Variants in CCDC171 observed in about 807,000 individuals in gnomAD.
The protein encoded by CCDC171 is coiled-coil domain containing 171, also known as coiled-coil domain-containing protein 171.
A neutral mutation model predicts 168.2 loss-of-function variants in CCDC171; 177 were observed. The ratio of observed to expected loss-of-function variants is 1.05; its 90% confidence interval spans 0.93 to 1.19. CCDC171 has a LOEUF of 1.19. CCDC171 is among the 50% of genes most tolerant of loss of function. The pLI is 0.00. For missense variants in CCDC171, 1,991 were observed against 1,539.0 expected (o/e 1.29, Z -4.91); for synonymous variants, 687 against 540.8 (o/e 1.27, Z -3.75).
chr9:16,100,721 G>C, the CCDC171 span, among the ~76,000 whole-genome samples: 243 of 152,310 alleles, frequency 1.6e-3, 2 homozygotes, highest in African/African-American at 5.5e-3. Context: ...GCTGCGAGGA[G>C]AGCCAAGCCT....
intron 21 of CCDC171, among the ~76,000 whole-genome samples, chr9:15,821,779 A>G (rs138595405): frequency 0.027 from 3,103 of 116,214 alleles, 874 homozygotes; most frequent in African/African-American, 0.096. Context: ...TATACATTCA[A>G]TGCCATCCCC....
In CCDC171 at chr9:15,859,594, C is replaced by T. The variant is rs569789078; in HGVS notation, c.3468+10647C>T. 4.7e-5 allele frequency among the ~76,000 whole-genome samples: 7 copies of T among 150,314 alleles called. No homozygotes were observed. The South Asian group carries it at 1.1e-3, about 23-fold the overall frequency. ...GTTCAAGATTTTCCCTCCCTCCCTTCCTCTCTTTCTGCCTTTCCCCCTCTG... is the reference window on the plus strand; with the variant it reads ...GTTCAAGATTTTCCCTCCCTCCCTTTCTCTCTTTCTGCCTTTCCCCCTCTG... On this transcript the variant is annotated intron_variant, in intron 23 of 25. Transcript: ENST00000380701.
chr9:16,046,097 C>T (rs983489148), intron 1 of CCDC171, among the ~76,000 whole-genome samples: 1 of 152,122 alleles, frequency 6.6e-6, no homozygotes, highest in African/African-American at 2.4e-5. Flanking sequence ...AGGGCAAAGT[C>T]CAGATTTGAA....
At chr9:15,625,325 A>C (rs908612892) in intron 7 of CCDC171, among the ~76,000 whole-genome samples, 3 of 152,032 alleles carry the variant, frequency 2.0e-5, no homozygotes, top group Non-Finnish European at 2.9e-5. Context: ...ATTTAATTAG[A>C]TCTCATTTGT....
intron 24 of CCDC171, among the ~76,000 whole-genome samples, chr9:15,896,741 C>T (rs1206967704): frequency 6.6e-6 from 1 of 152,040 alleles, no homozygotes; most frequent in South Asian, 2.1e-4. Flanking sequence ...TCTAGTTACA[C>T]ATTGTTTTTA....
At chr9:15,563,117 A>G (rs370871082) in intron 1 of CCDC171, among the ~76,000 whole-genome samples, 2 of 150,188 alleles carry the variant, frequency 1.3e-5, no homozygotes, top group Admixed American at 6.6e-5. Context: ...TTCTGTAACT[A>G]TGTGACTTTT....
chr9:15,991,401 A>G lies in CCDC171; in HGVS notation n.369-29188A>G, dbSNP rs190736208. On this transcript the variant is annotated intron_variant and non_coding_transcript_variant, in intron 3 of 9. Coordinates refer to the CCDC171 transcript ENST00000486641. Reference sequence around the variant, plus strand: ...ACCGATGAGAACAAAGACACAACGTACCAGAATCTCTGGGACACATTCAAA... The same window carrying G: ...ACCGATGAGAACAAAGACACAACGTGCCAGAATCTCTGGGACACATTCAAA... Among the ~76,000 whole-genome samples the G allele has an allele frequency of 4.9e-4, 73 of 148,940 alleles. 4 individuals are homozygous for G. Among genetic ancestry groups the G allele is most frequent in the African/African-American group, 1.8e-3 (70 of 38,240 alleles).
At chr9:16,003,488 G>T (rs562904047) in intron 3 of CCDC171, among the ~76,000 whole-genome samples, 1 of 152,202 alleles carries the variant, frequency 6.6e-6, no homozygotes, top group Non-Finnish European at 1.5e-5. Context: ...AGCCCACTGG[G>T]AGGACAACTT....
At chr9:15,557,012 G>C (rs980396060) in intron 1 of CCDC171, among the ~76,000 whole-genome samples, 1 of 152,234 alleles carries the variant, frequency 6.6e-6, no homozygotes, top group East Asian at 1.9e-4. Flanking sequence ...TTTCCCCATT[G>C]CTTGTTTTTG....
chr9:15,989,876 G>GA (rs1832128717), intron 3 of CCDC171, among the ~76,000 whole-genome samples: 1 of 152,154 alleles, frequency 6.6e-6, no homozygotes, highest in South Asian at 2.1e-4. Flanking sequence ...GAAGTTTAGA[G>GA]AAAAAAGAGT....
chr9:16,073,454 CTT>C, the CCDC171 span, among the ~76,000 whole-genome samples: 1 of 152,200 alleles, frequency 6.6e-6, no homozygotes, highest in African/African-American at 2.4e-5. Context: ...AAAATCTTCT[CTT>C]ATCTCTCTTA....
chr9:15,581,973 C>G (rs1363185968), intron 4 of CCDC171, among the ~76,000 whole-genome samples: 2 of 152,152 alleles, frequency 1.3e-5, no homozygotes, highest in African/African-American at 4.8e-5. Flanking sequence ...GCAAAAGAAA[C>G]TATCATCAGA....
At chr9:15,645,649 G>A (rs183385360) in intron 7 of CCDC171, among the ~76,000 whole-genome samples, 48 of 152,296 alleles carry the variant, frequency 3.2e-4, no homozygotes, top group Middle Eastern at 6.8e-3. Flanking sequence ...GGGTATCAGT[G>A]ATTGAAGATC....
At chr9:15,993,091 C>G (rs570387175) in intron 3 of CCDC171, among the ~76,000 whole-genome samples, 82 of 152,242 alleles carry the variant, frequency 5.4e-4, no homozygotes, top group African/African-American at 1.9e-3. Context: ...TTGGAAAAAA[C>G]TACTTTAAAG....
chr9:15,568,297 G>T (rs1489393497), intron 2 of CCDC171, among the ~76,000 whole-genome samples: 1 of 140,710 alleles, frequency 7.1e-6, no homozygotes, highest in African/African-American at 2.7e-5. Flanking sequence ...TTGAGGCGGA[G>T]TCTTGCTCTG....
At chr9:15,878,900 C>G (rs1419072315) in intron 24 of CCDC171, among the ~76,000 whole-genome samples, 2 of 152,050 alleles carry the variant, frequency 1.3e-5, no homozygotes, top group East Asian at 3.9e-4. Context: ...ACCACATGTT[C>G]TTGTAAGTGG....
downstream of CCDC171, among the ~76,000 whole-genome samples, chr9:16,064,648 GC>G (rs1219399287): frequency 6.6e-6 from 1 of 152,004 alleles, no homozygotes; most frequent in Non-Finnish European, 1.5e-5. Flanking sequence ...AAGAGGCATG[GC>G]AACTGGCAAA....
chr9:15,930,747 A>T (rs114181241), intron 25 of CCDC171, among the ~76,000 whole-genome samples: 2 of 151,872 alleles, frequency 1.3e-5, no homozygotes, highest in South Asian at 2.1e-4. Context: ...CTCACACTAT[A>T]TACAGAAATT....
chr9:15,721,540 G>A (rs1301857032), intron 11 of CCDC171, among the ~76,000 whole-genome samples: 1 of 149,576 alleles, frequency 6.7e-6, no homozygotes, highest in East Asian at 2.0e-4. Flanking sequence ...CTTTAATTTG[G>A]CCGCTTGTTT....
Sources: gnomAD v4.1 joint callset for allele counts (sites outside exome capture counted in the v4.1 genomes callset) on GRCh38, gnomAD v4.1.1 for gene constraint, MANE v1.5 for transcripts, NCBI Gene and HGNC (gene_info 2026-07-23, HGNC 2026-07-21) for gene names.